FBXL17: variants seen among roughly 807,000 people sequenced by gnomAD.
The protein encoded by FBXL17 is F-box and leucine rich repeat protein 17.
FBXL17 carries 22 observed loss-of-function variants against 66.2 expected under a neutral mutation model. The observed-to-expected ratio is 0.33, with a 90% CI of 0.24 to 0.47. The LOEUF is 0.47. Ranked by LOEUF, FBXL17 falls within the 20% of genes least tolerant of loss-of-function variation. FBXL17 has a pLI of 1.00. For missense variants in FBXL17, 878 were observed against 948.2 expected, an observed-to-expected ratio of 0.93 and a Z score of 0.97; for synonymous variants, 474 against 400.5, an observed-to-expected ratio of 1.18 and a Z score of -2.19.
At chr5:108,325,378 G>A (rs1024262778) in intron 4 of FBXL17, among the ~76,000 whole-genome samples, 7 of 152,040 alleles carry the variant, frequency 4.6e-5, no homozygotes, top group African/African-American at 7.2e-5. Flanking sequence ...TCTCAAGGAG[G>A]AAACAATTCT....
Position 108,128,242 on chromosome 5 carries a change from T to C in FBXL17, c.1745+57875A>G, listed in dbSNP as rs1440192716. On this transcript the variant is annotated intron_variant, in intron 6 of 8. Coordinates refer to ENST00000542267, the MANE Select transcript of FBXL17 (RefSeq NM_001163315.3). Reference sequence around the variant, plus strand: ...GCCTGGGCAACAGAGCAAGACTCCATCTTTAAAAAAAAAAAAAAGAATTTG... The same window carrying C: ...GCCTGGGCAACAGAGCAAGACTCCACCTTTAAAAAAAAAAAAAAGAATTTG... Among the ~76,000 whole-genome samples the C allele has an allele frequency of 1.3e-4, 14 of 106,370 alleles. No homozygotes were observed. In the East Asian group the frequency reaches 4.8e-3, roughly 37 times the overall value. 69.8% of individuals were successfully genotyped at this position (106,370 alleles called of 152,430 possible).
chr5:108,030,796 A>T (rs1452936385), intron 6 of FBXL17, among the ~76,000 whole-genome samples: 1 of 152,152 alleles, frequency 6.6e-6, no homozygotes, highest in African/African-American at 2.4e-5. Flanking sequence ...GAAGGGGAGC[A>T]ATGGCAGGTG....
At chr5:107,885,825 G>A (rs1397833775) in intron 7 of FBXL17, among the ~76,000 whole-genome samples, 1 of 152,048 alleles carries the variant, frequency 6.6e-6, no homozygotes, top group African/African-American at 2.4e-5. Flanking sequence ...AAAGAAGCAG[G>A]CACGAGATGT....
chr5:107,901,290 G>A (rs1749561814), intron 7 of FBXL17, among the ~76,000 whole-genome samples: 1 of 152,136 alleles, frequency 6.6e-6, no homozygotes, highest in South Asian at 2.1e-4. Context: ...GTCAAAAATT[G>A]TTAAATACGG....
At chr5:107,959,381 A>AACACACAC (rs57041975) in intron 7 of FBXL17, among the ~76,000 whole-genome samples, 2,359 of 147,976 alleles carry the variant, frequency 0.016, 33 homozygotes, top group Admixed American at 0.048. Context: ...GGCTGCTATA[A>AACACACAC]ACACACACAC....
rs1394297674 is a variant in FBXL17, at chr5:107,918,704, T to C, written c.1823-37525A>G. ...TACTGATAAATCTCTGTAAATGACA[T>C]AAATAAAATCCTAGTGTTCCACTGA... On this transcript the variant is annotated intron_variant, in intron 7 of 8. Transcript: ENST00000542267. Among the ~76,000 whole-genome samples the C allele has an allele frequency of 2.6e-5, 4 of 152,220 alleles. 1 individual carries two copies. In the East Asian group the frequency reaches 7.7e-4, roughly 29 times the overall value.
chr5:108,116,456 G>A (rs991692699), intron 6 of FBXL17, among the ~76,000 whole-genome samples: 2 of 150,836 alleles, frequency 1.3e-5, no homozygotes, highest in South Asian at 2.1e-4. Context: ...TGGCCAACAT[G>A]GTGAAACCCT....
At chr5:108,177,932 T>TATATACACAC (rs1242739302) in intron 6 of FBXL17, among the ~76,000 whole-genome samples, 2 of 126,870 alleles carry the variant, frequency 1.6e-5, no homozygotes, top group Admixed American at 8.5e-5. Context: ...TATATATATA[T>TATATACACAC]ACACACACAC....
intron 6 of FBXL17, among the ~76,000 whole-genome samples, chr5:108,035,985 G>A: frequency 6.6e-6 from 1 of 152,118 alleles, no homozygotes; most frequent in African/African-American, 2.4e-5. Flanking sequence ...ATTTTTTTCA[G>A]ATTGTTTATG....
intron 5 of FBXL17, among the ~76,000 whole-genome samples, chr5:108,187,203 A>G (rs747374936): frequency 6.6e-6 from 1 of 152,208 alleles, no homozygotes; most frequent in Non-Finnish European, 1.5e-5. Flanking sequence ...TAATGATAAT[A>G]TTTACATAAA....
chr5:108,078,812 T>G (rs563222149), intron 6 of FBXL17, among the ~76,000 whole-genome samples: 1 of 152,294 alleles, frequency 6.6e-6, no homozygotes, highest in African/African-American at 2.4e-5. Context: ...ATATTAATAG[T>G]ATATAAGCTT....
At chr5:107,955,887 T>C (rs1283119823) in intron 7 of FBXL17, among the ~76,000 whole-genome samples, 1 of 152,104 alleles carries the variant, frequency 6.6e-6, no homozygotes, top group Non-Finnish European at 1.5e-5. Context: ...CTAATAGATA[T>C]CAATCTCAAA....
chr5:108,344,879 A>T (rs1259600065), intron 4 of FBXL17, among the ~76,000 whole-genome samples: 1 of 152,232 alleles, frequency 6.6e-6, no homozygotes, highest in Non-Finnish European at 1.5e-5. Context: ...ACAGACACAT[A>T]CAATATGCTA....
chr5:108,335,100 AG>A (rs1238210767), intron 4 of FBXL17, among the ~76,000 whole-genome samples: 1 of 152,196 alleles, frequency 6.6e-6, no homozygotes, highest in Non-Finnish European at 1.5e-5. Context: ...TGATAGTACT[AG>A]TTTTTAGATG....
Position 108,200,760 on chromosome 5 carries a change from TGG to T in FBXL17, c.1615-14515_1615-14514del, listed in dbSNP as rs571698783. 5.9e-4 allele frequency among the ~76,000 whole-genome samples: 89 copies of T among 151,030 alleles called. 1 individual carries two copies. The highest frequency in any genetic ancestry group is 1.0e-3 in the Non-Finnish European group (70 of 67,814). On this transcript the variant is annotated intron_variant, in intron 5 of 8. Transcript: ENST00000542267. ...CAATCAATTGAACAGAAGTCTACAG[TGG>T]GGGAAGCAGCTATGCTCCTGAAGGT...
At chr5:107,878,310 T>C in intron 8 of FBXL17, 1 of 937,690 alleles carries the variant, frequency 1.1e-6, no homozygotes, top group Non-Finnish European at 1.3e-6. Flanking sequence ...CATTGGAAAA[T>C]TCCAGTATCA....
At chr5:108,054,248 A>T (rs968289522) in intron 6 of FBXL17, among the ~76,000 whole-genome samples, 6 of 55,598 alleles carry the variant, frequency 1.1e-4, no homozygotes, top group Admixed American at 6.5e-4. Flanking sequence ...ATAAAAATTA[A>T]AAAAAAAAAA....
intron 7 of FBXL17, among the ~76,000 whole-genome samples, chr5:107,932,621 T>C (rs1371266424): frequency 1.3e-5 from 2 of 152,172 alleles, no homozygotes; most frequent in Non-Finnish European, 2.9e-5. Flanking sequence ...AACTAAACAG[T>C]CTTTCTTCTC....
At chr5:108,075,475 G>A (rs924784237) in intron 6 of FBXL17, among the ~76,000 whole-genome samples, 2 of 152,036 alleles carry the variant, frequency 1.3e-5, no homozygotes, top group African/African-American at 2.4e-5. Flanking sequence ...TTTGAATCCC[G>A]TGTTGTTTGT....
Sources: gnomAD v4.1 joint callset for allele counts (sites outside exome capture counted in the v4.1 genomes callset) on GRCh38, gnomAD v4.1.1 for gene constraint, MANE v1.5 for transcripts, NCBI Gene and HGNC (gene_info 2026-07-23, HGNC 2026-07-21) for gene names.